PPP1R12B: variants seen among roughly 807,000 people sequenced by gnomAD.
The protein encoded by PPP1R12B is protein phosphatase 1 regulatory subunit 12B, also known as myosin phosphatase target subunit 2.
Under a neutral mutation model 126.1 loss-of-function variants are expected in PPP1R12B, and 76 were observed. That is an observed-to-expected ratio of 0.60 (90% CI 0.50 to 0.73). The LOEUF is 0.73. Ranked by LOEUF, PPP1R12B falls within the 30% of genes least tolerant of loss-of-function variation. PPP1R12B has a pLI of 0.00. For synonymous variants in PPP1R12B, 356 were observed against 434.7 expected, an observed-to-expected ratio of 0.82 and a Z score of 2.25; for missense variants, 1,052 against 1,205.1, an observed-to-expected ratio of 0.87 and a Z score of 1.88.
chr1:202,373,904 ATAT>A lies in PPP1R12B; in HGVS notation c.291+24767_291+24769del, dbSNP rs566458635. Among the ~76,000 whole-genome samples, 35 of 147,784 alleles carry A rather than the reference ATAT, an allele frequency of 2.4e-4. No individual in the cohort carries two copies. The South Asian group carries it at 4.9e-3, about 21-fold the overall frequency. ...ACCACCACCTTGGTCAAGAAATAAA[ATAT>A]TATTTCTAATGGTCAAGAAATAAAA... On this transcript the variant is annotated intron_variant, in intron 1 of 23. Transcript: ENST00000608999.
chr1:202,368,584 C>G (rs1659691327), intron 1 of PPP1R12B, among the ~76,000 whole-genome samples: 1 of 152,008 alleles, frequency 6.6e-6, no homozygotes, highest in East Asian at 1.9e-4. Context: ...CTACCCACCA[C>G]CCCTTCATCC....
In PPP1R12B at chr1:202,535,814, C is replaced by T. The variant is rs548307453; in HGVS notation, c.2491-23063C>T. 1.8e-3 allele frequency among the ~76,000 whole-genome samples: 267 copies of T among 152,254 alleles called. 6 individuals are homozygous for T. Among genetic ancestry groups the T allele is most frequent in the Non-Finnish European group, 2.0e-3 (139 of 68,020 alleles). On this transcript the variant is annotated intron_variant, in intron 18 of 23. Transcript: ENST00000608999. Reference sequence around the variant, plus strand: ...TTTTACAGGGGAATTAATATCTTTTCAGTCAGAAAGGAACAATAAATGCTT... The same window carrying T: ...TTTTACAGGGGAATTAATATCTTTTTAGTCAGAAAGGAACAATAAATGCTT...
At chr1:202,478,323 T>C (rs1485858463) in intron 13 of PPP1R12B, among the ~76,000 whole-genome samples, 1 of 152,232 alleles carries the variant, frequency 6.6e-6, no homozygotes, top group East Asian at 1.9e-4. Context: ...CCAGCTGGTC[T>C]AGATTTTAGA....
In PPP1R12B at chr1:202,584,526, T is replaced by C. The variant is rs1013438434; in HGVS notation, c.*3966T>C. 3 of 152,214 alleles carry C rather than the reference T, an allele frequency of 2.0e-5. No individual in the cohort carries two copies. In the South Asian group the frequency reaches 6.2e-4, roughly 32 times the overall value. The allele number at this position is 152,214 out of a possible 1,614,324, so 9.4% of individuals were successfully genotyped here. ...GGAAGAAGAAACTCTCAAAGCCATG[T>C]ACTTTGTTAGGTGTCTGGATTTTTG... On this transcript the variant is annotated 3_prime_UTR_variant, in exon 24 of 24. Coordinates refer to ENST00000608999, the MANE Select transcript of PPP1R12B (RefSeq NM_002481.4).
At chr1:202,528,103 A>G (rs376583695) in intron 18 of PPP1R12B, among the ~76,000 whole-genome samples, 1 of 152,210 alleles carries the variant, frequency 6.6e-6, no homozygotes, top group East Asian at 1.9e-4. Context: ...GACCAACAGC[A>G]TGTATCCGTA....
intron 1 of PPP1R12B, among the ~76,000 whole-genome samples, chr1:202,380,605 C>T (rs567741752): frequency 6.6e-6 from 1 of 152,174 alleles, no homozygotes; most frequent in East Asian, 1.9e-4. Context: ...CAACACCCCC[C>T]CCATTCCTTG....
intron 18 of PPP1R12B, among the ~76,000 whole-genome samples, chr1:202,513,107 G>A (rs1353274308): frequency 6.6e-5 from 10 of 152,174 alleles, no homozygotes; most frequent in African/African-American, 2.4e-4. Context: ...CCAAGTAGCT[G>A]GGATTATAGT....
chr1:202,391,451 C>T (rs571559220), intron 1 of PPP1R12B, among the ~76,000 whole-genome samples: 23 of 152,098 alleles, frequency 1.5e-4, no homozygotes, highest in Non-Finnish European at 2.4e-4. Context: ...ATGGGGCAGC[C>T]GCTGAAAAAC....
chr1:202,483,601 G>A (rs1304426391), intron 13 of PPP1R12B, among the ~76,000 whole-genome samples: 5 of 152,102 alleles, frequency 3.3e-5, no homozygotes, highest in African/African-American at 7.2e-5. Flanking sequence ...TGAAGCTAGA[G>A]GCAAGAGGGT....
chr1:202,487,552 A>G (rs1678311282), intron 13 of PPP1R12B, among the ~76,000 whole-genome samples: 2 of 152,240 alleles, frequency 1.3e-5, no homozygotes, highest in African/African-American at 2.4e-5. Context: ...CTGTGTGAAC[A>G]GTAATACATT....
At chr1:202,533,398 C>T (rs1684188061) in intron 18 of PPP1R12B, among the ~76,000 whole-genome samples, 1 of 152,198 alleles carries the variant, frequency 6.6e-6, no homozygotes, top group South Asian at 2.1e-4. Flanking sequence ...TCAGAGGATC[C>T]TCCCACCTCA....
intron 20 of PPP1R12B, among the ~76,000 whole-genome samples, chr1:202,564,223 A>G (rs1209380533): frequency 6.6e-6 from 1 of 152,176 alleles, no homozygotes; most frequent in East Asian, 1.9e-4. Flanking sequence ...CCCAGAGATT[A>G]ACATTATTGA....
Position 202,495,576 on chromosome 1 carries a change from A to T in PPP1R12B, c.2342A>T (p.Glu781Val), listed in dbSNP as rs984987398. ...TAKEMDKNEN[E>V]EADLDEQSSK... ...TTATTTTATCTCTGGCCAGAGAATG[A>T]AGAAGCAGATTTGGATGAGCAGTCC... The change falls in exon 17 of 24, where the codon GAA becomes GTA. Residue 781 changes from glutamate (E) to valine (V), a missense_variant. Glu to Val is a moderately radical substitution (Grantham distance 121, BLOSUM62 -2). Coordinates refer to ENST00000608999, the MANE Select transcript of PPP1R12B (RefSeq NM_002481.4). The T allele has an allele frequency of 2.5e-6, 4 of 1,613,982 alleles. No homozygotes were observed. The Admixed American group carries it at 6.7e-5, about 27-fold the overall frequency.
chr1:202,493,375 G>A (rs1280955376), intron 15 of PPP1R12B, 58 bp downstream of exon 15: 3 of 1,517,948 alleles, frequency 2.0e-6, no homozygotes, highest in Non-Finnish European at 1.8e-6. Flanking sequence ...AGTTTGGGGA[G>A]TATCTTCTTC....
Position 202,509,855 on chromosome 1 carries a change from G to C in PPP1R12B, c.2490+13033G>C, listed in dbSNP as rs542992526. On this transcript the variant is annotated intron_variant, in intron 18 of 23. Coordinates refer to ENST00000608999, the MANE Select transcript of PPP1R12B (RefSeq NM_002481.4). ...AATGATAGTTAGGAGGGATGGATGTGGGGGAAGAGAAGCTGAAATCCTGAT... is the reference window on the plus strand; with the variant it reads ...AATGATAGTTAGGAGGGATGGATGTCGGGGAAGAGAAGCTGAAATCCTGAT... 2.0e-5 allele frequency among the ~76,000 whole-genome samples: 3 copies of C among 152,220 alleles called. No homozygotes were observed. In the East Asian group the frequency reaches 5.8e-4, roughly 29 times the overall value.
At chr1:202,545,127 A>T in intron 18 of PPP1R12B, among the ~76,000 whole-genome samples, 1 of 152,272 alleles carries the variant, frequency 6.6e-6, no homozygotes. Context: ...AATGAGAAAC[A>T]CTTGGATGAA....
At chr1:202,511,702 T>G (rs1241192379) in intron 18 of PPP1R12B, among the ~76,000 whole-genome samples, 1 of 152,102 alleles carries the variant, frequency 6.6e-6, no homozygotes, top group African/African-American at 2.4e-5. Flanking sequence ...TCCATCCAAT[T>G]TGCTATGAAT....
intron 9 of PPP1R12B, 146 bp downstream of exon 9, chr1:202,434,914 C>A: frequency 7.3e-7 from 1 of 1,376,710 alleles, no homozygotes. Context: ...AAAACACAGG[C>A]TGGGTGGCTT....
At chr1:202,425,463 A>G (rs1258596100) in intron 3 of PPP1R12B, 103 bp from the exon 4 acceptor site, 1 of 1,253,092 alleles carries the variant, frequency 8.0e-7, no homozygotes, top group Non-Finnish European at 1.1e-6. Context: ...CTAAATTGTT[A>G]TTTGTATTTA....
Sources: allele counts gnomAD v4.1 joint callset (sites outside exome capture counted in the v4.1 genomes callset), GRCh38; gene constraint gnomAD v4.1.1; transcripts MANE v1.5; gene names NCBI Gene and HGNC (gene_info 2026-07-23, HGNC 2026-07-21).